MTMR3: variants seen among roughly 807,000 people sequenced by gnomAD.
The protein encoded by MTMR3 is myotubularin related protein 3.
A neutral mutation model predicts 132.4 loss-of-function variants in MTMR3; 32 were observed. The ratio of observed to expected loss-of-function variants is 0.24; its 90% CI spans 0.18 to 0.32. The LOEUF is 0.32. MTMR3 is among the 10% of genes least tolerant of loss of function. The pLI is 1.00. For missense variants in MTMR3, 1,216 were observed against 1,489.6 expected, an observed-to-expected ratio of 0.82 and a Z score of 3.02; for synonymous variants, 556 against 550.3, an observed-to-expected ratio of 1.01 and a Z score of -0.14.
At chr22:29,942,030 C>A (rs2065866675) in intron 1 of MTMR3, among the ~76,000 whole-genome samples, 1 of 152,028 alleles carries the variant, frequency 6.6e-6, no homozygotes, top group Admixed American at 6.6e-5. Flanking sequence ...ATCTTGAATG[C>A]CTTTAGTTTT....
chr22:30,016,417 G>T, intron 14 of MTMR3, 111 bp from the exon 15 acceptor site: 1 of 1,254,442 alleles, frequency 8.0e-7, no homozygotes, highest in Admixed American at 2.2e-5. Flanking sequence ...CGTCCTGACA[G>T]AGTAAATTGA....
At chr22:29,968,364 A>G (rs573776045) in intron 2 of MTMR3, among the ~76,000 whole-genome samples, 6 of 152,344 alleles carry the variant, frequency 3.9e-5, no homozygotes, top group Admixed American at 2.6e-4. Context: ...CAATGATGCT[A>G]TCTTTAGAAA....
At position 29,894,124 on chromosome 22, in the gene MTMR3, T is replaced by C. The variant is rs2064849195; in HGVS notation, c.-138+10765T>C. Among the ~76,000 whole-genome samples, 2 of 152,110 alleles carry C rather than the reference T, an allele frequency of 1.3e-5. 1 individual carries two copies. Among genetic ancestry groups the C allele is most frequent in the South Asian group, 4.1e-4 (2 of 4,822 alleles). On this transcript the variant is annotated intron_variant, in intron 1 of 19. Transcript: ENST00000401950. ...CCTTCCAAAGTGCTGGGATTACAGG[T>C]GTGAGCCACCACGCTCAGCCAAAAA...
chr22:29,905,338 A>C (rs1722653758), intron 1 of MTMR3, among the ~76,000 whole-genome samples: 1 of 152,190 alleles, frequency 6.6e-6, no homozygotes, highest in Non-Finnish European at 1.5e-5. Flanking sequence ...TCCGCACATG[A>C]GTGGACCTGT....
At chr22:29,928,304 T>A (rs1264553334) in intron 1 of MTMR3, among the ~76,000 whole-genome samples, 1 of 151,790 alleles carries the variant, frequency 6.6e-6, no homozygotes, top group Non-Finnish European at 1.5e-5. Context: ...CCCTAGTAGC[T>A]GGGGTTGCAG....
intron 5 of MTMR3, chr22:29,981,711 C>T (rs1047953118): frequency 1.3e-5 from 2 of 151,234 alleles, no homozygotes; most frequent in African/African-American, 2.4e-5. Flanking sequence ...GCATGTGCTA[C>T]TCAGGAAGCT....
chr22:29,929,158 G>A (rs1413985900), intron 1 of MTMR3, among the ~76,000 whole-genome samples: 1 of 151,994 alleles, frequency 6.6e-6, no homozygotes, highest in Non-Finnish European at 1.5e-5. Context: ...GCGTGTGCCT[G>A]TAATCCCAGC....
chr22:29,899,624 T>G (rs1285971066), intron 1 of MTMR3: 1 of 152,226 alleles, frequency 6.6e-6, no homozygotes, highest in Non-Finnish European at 1.5e-5. Flanking sequence ...CATGTCATTC[T>G]TGTGCAGGGA....
chr22:30,012,623 G>A, intron 13 of MTMR3, 60 bp downstream of exon 13: 2 of 1,481,570 alleles, frequency 1.3e-6, no homozygotes, highest in Middle Eastern at 2.5e-4. Context: ...AACGTCTCAG[G>A]AGTGATACCA....
At chr22:29,898,991 A>G (rs2064956037) in intron 1 of MTMR3, among the ~76,000 whole-genome samples, 1 of 151,744 alleles carries the variant, frequency 6.6e-6, no homozygotes, top group Non-Finnish European at 1.5e-5. Flanking sequence ...ACTGATAAAG[A>G]CAGTAGTTAC....
chr22:29,991,510 G>A lies in MTMR3; in HGVS notation c.300G>A (p.Gln100=). Residue 100 remains glutamine, a synonymous_variant, in exon 7 of 20, where the codon CAG becomes CAA. Transcript: ENST00000401950. ...TCKDCKVIRC[Q]FSTFEQCQEW... ...TTGTTTGGCTTTACAAAAGGTGTCA[G>A]TTTTCAACCTTTGAGCAGTGTCAAG... The A allele has an allele frequency of 1.2e-6, 2 of 1,607,362 alleles. No homozygotes were observed. The highest frequency in any genetic ancestry group is 1.7e-6 in the Non-Finnish European group (2 of 1,177,614).
intron 1 of MTMR3, among the ~76,000 whole-genome samples, chr22:29,934,637 G>A (rs1234020514): frequency 5.9e-5 from 9 of 152,118 alleles, no homozygotes; most frequent in Non-Finnish European, 1.0e-4. Context: ...TATTTTAGGG[G>A]AAAACTAGGG....
chr22:29,909,053 C>G (rs942397383), intron 1 of MTMR3, among the ~76,000 whole-genome samples: 1 of 150,738 alleles, frequency 6.6e-6, no homozygotes, highest in Non-Finnish European at 1.5e-5. Context: ...TCTACTGCAG[C>G]CTCGACCTTC....
intron 1 of MTMR3, among the ~76,000 whole-genome samples, chr22:29,927,576 C>G (rs545546422): frequency 6.6e-6 from 1 of 151,680 alleles, no homozygotes; most frequent in Non-Finnish European, 1.5e-5. Flanking sequence ...ATTTTAATTT[C>G]GAGGTGTTTA....
chr22:29,994,452 A>T (rs1007848429), intron 7 of MTMR3: 3 of 151,314 alleles, frequency 2.0e-5, no homozygotes, highest in Non-Finnish European at 4.4e-5. Context: ...TTTTGTCATT[A>T]CCTCATGTTG....
At chr22:30,006,927 C>T (rs1030630159) in intron 9 of MTMR3, 187 bp from the exon 10 acceptor site, 29 of 598,270 alleles carry the variant, frequency 4.8e-5, no homozygotes, top group Non-Finnish European at 7.9e-5. Context: ...GAGAAAGACA[C>T]ACAGGTTTTG....
intron 12 of MTMR3, chr22:30,011,041 G>A (rs573280107): frequency 1.3e-5 from 2 of 152,174 alleles, no homozygotes; most frequent in East Asian, 3.9e-4. Context: ...CAGTACTTAT[G>A]CACTGCATTC....
intron 1 of MTMR3, among the ~76,000 whole-genome samples, chr22:29,886,060 T>A (rs1196607944): frequency 6.6e-6 from 1 of 152,212 alleles, no homozygotes; most frequent in Non-Finnish European, 1.5e-5. Flanking sequence ...GTCCCCAGTA[T>A]CCAGCGCAGT....
chr22:29,886,434 G>A (rs964469197), intron 1 of MTMR3, among the ~76,000 whole-genome samples: 20 of 152,290 alleles, frequency 1.3e-4, no homozygotes, highest in African/African-American at 2.2e-4. Context: ...GTATAGAATA[G>A]TGGGAAGTTC....
Sources: gnomAD v4.1 joint callset for allele counts (sites outside exome capture counted in the v4.1 genomes callset) on GRCh38, gnomAD v4.1.1 for gene constraint, MANE v1.5 for transcripts, NCBI Gene and HGNC (gene_info 2026-07-23, HGNC 2026-07-21) for gene names.